The following ZNF333 variants were observed in gnomAD, a reference collection of about 807,000 sequenced individuals.
ZNF333 encodes zinc finger protein 333.
In ZNF333, 61 loss-of-function variants were observed where a neutral mutation model predicts 76.1. The observed-to-expected ratio is 0.80, with a 90% CI of 0.65 to 0.99. ZNF333 has a LOEUF of 0.99. ZNF333 is among the 50% of genes least tolerant of loss of function. The pLI is 0.00. For synonymous variants in ZNF333, 284 were observed against 305.0 expected (o/e 0.93, Z 0.72); for missense variants, 717 against 822.4 (o/e 0.87, Z 1.57).
At chr19:14,708,632 T>C in intron 7 of ZNF333, 1 of 357,474 alleles carries the variant, frequency 2.8e-6, no homozygotes, top group Non-Finnish European at 5.0e-6. Flanking sequence ...GTCCTGTGCA[T>C]TATAGGATGC....
exon 12 of ZNF333, chr19:14,732,735 C>A (rs1355152292): frequency 6.6e-6 from 1 of 152,022 alleles, no homozygotes; most frequent in Non-Finnish European, 1.5e-5. Context: ...TAAAACATAG[C>A]CATGATCATT....
In ZNF333 at chr19:14,719,186, G is replaced by A. The variant is rs771997606; in HGVS notation, c.1859G>A (p.Cys620Tyr). 3.1e-6 allele frequency: 5 copies of A among 1,614,202 alleles called. 1 individual carries two copies. In the South Asian group the frequency reaches 4.4e-5, roughly 14 times the overall value. The change falls in exon 12 of 12, where the codon TGT (cysteine) becomes TAT (tyrosine). Residue 620 changes from cysteine to tyrosine, a missense_variant. Physicochemically the swap from Cys to Tyr is radical, Grantham distance 194 (BLOSUM62 -2). Transcript: ENST00000292530. ...CACAGTGCCGGGAGACCCTATCAAT[G>A]TAATCAGTGTGAGAAAGCCTTCAGG... ...RTHSAGRPYQ[C>Y]NQCEKAFRHS...
chr19:14,732,191 C>T (rs1033821428), exon 12 of ZNF333: 2 of 152,086 alleles, frequency 1.3e-5, no homozygotes, highest in Non-Finnish European at 2.9e-5. Flanking sequence ...ACAAATTGAA[C>T]GTTTATGGCA....
At chr19:14,731,098 C>T (rs2042667315) in intron 11 of ZNF333, 2 of 1,360,548 alleles carry the variant, frequency 1.5e-6, no homozygotes. Flanking sequence ...GCCCCCTCCC[C>T]CCAAGGATTG....
chr19:14,732,316 T>TAA (rs914831144), exon 12 of ZNF333: 1 of 151,838 alleles, frequency 6.6e-6, no homozygotes, highest in Non-Finnish European at 1.5e-5. Flanking sequence ...GTATGTACAT[T>TAA]AAAAAAAAGA....
Position 14,718,990 on chromosome 19 carries a change from A to C in ZNF333, c.1663A>C (p.Thr555Pro). ...RLSTLKSHMRTHTGEKPYVCQ... is the reference protein window; with the variant it reads ...RLSTLKSHMRPHTGEKPYVCQ... ...TTCAACCCTGAAGAGTCACATGCGA[A>C]CTCACACTGGAGAGAAGCCCTATGT... is the stretch of plus-strand genomic sequence containing the variant. The change falls in exon 12 of 12, where the codon ACT becomes CCT. Residue 555 changes from threonine to proline, a missense_variant. By Grantham distance (38) the Thr-to-Pro change is conservative. Coordinates refer to ENST00000292530, the MANE Select transcript of ZNF333 (RefSeq NM_032433.4). The C allele has an allele frequency of 6.2e-7, 1 of 1,614,060 alleles. No individual in the cohort carries two copies. The highest frequency in any genetic ancestry group is 8.5e-7 in the Non-Finnish European group (1 of 1,180,014).
Position 14,699,202 on chromosome 19 carries a change from G to A in ZNF333, c.227G>A (p.Trp76Ter), listed in dbSNP as rs747033281. Reference protein sequence around the residue: ...RGILRATGVAWESQLKPEELP... With the variant: ...RGILRATGVA ...TTTTTTCTCCCATTCATTTCAGCCT[G>A]GGAATCTCAACTTAAACCCGAAGAG... is the stretch of plus-strand genomic sequence containing the variant. Residue 76 changes from tryptophan (W) to a stop codon, truncating the protein, a stop_gained, in exon 5 of 12, where the codon TGG becomes TAG. Transcript: ENST00000292530. LOFTEE classifies it high-confidence loss of function. The A allele has an allele frequency of 1.2e-6, 2 of 1,613,426 alleles. No homozygotes were observed. Among genetic ancestry groups the A allele is most frequent in the Non-Finnish European group, 1.7e-6 (2 of 1,179,632 alleles).
intron 4 of ZNF333, 46 bp from the exon 5 acceptor site, chr19:14,699,153 C>T (rs761274300): frequency 9.2e-6 from 13 of 1,410,446 alleles, no homozygotes; most frequent in Non-Finnish European, 1.3e-5. Flanking sequence ...ATTAATGTCA[C>T]TATTTCTTTC....
chr19:14,691,008 G>T (rs541869367), intron 1 of ZNF333, among the ~76,000 whole-genome samples: 1 of 152,156 alleles, frequency 6.6e-6, no homozygotes. Flanking sequence ...CAGGAGAATC[G>T]CTTGAACCCC....
intron 10 of ZNF333, 44 bp downstream of exon 10, chr19:14,717,133 G>C: frequency 1.3e-6 from 2 of 1,530,232 alleles, no homozygotes; most frequent in Non-Finnish European, 1.8e-6. Context: ...TGGTCAGTAA[G>C]GGGAGTGTCC....
At chr19:14,697,032 C>T (rs375447384) in intron 4 of ZNF333, among the ~76,000 whole-genome samples, 7 of 151,928 alleles carry the variant, frequency 4.6e-5, no homozygotes, top group South Asian at 4.2e-4. Context: ...CCATTGTGCC[C>T]GGCCACCTAA....
chr19:14,707,240 TAA>T (rs34492314), intron 7 of ZNF333: 11 of 116,698 alleles, frequency 9.4e-5, no homozygotes, highest in Non-Finnish European at 1.2e-4. Context: ...CCCCTATTTC[TAA>T]AAAAAAAAAA....
chr19:14,732,746 CATTT>C (rs2042684665), exon 12 of ZNF333: 1 of 152,136 alleles, frequency 6.6e-6, no homozygotes, highest in African/African-American at 2.4e-5. Context: ...CATGATCATT[CATTT>C]ATGATTGTCT....
chr19:14,717,162 T>C (rs2042458830), intron 10 of ZNF333, 73 bp downstream of exon 10: 1 of 1,301,152 alleles, frequency 7.7e-7, no homozygotes. Flanking sequence ...AACTGTCTTA[T>C]CAGGGCAACC....
upstream of ZNF333, chr19:14,689,849 A>G (rs1972610044): frequency 1.3e-5 from 2 of 149,934 alleles, no homozygotes; most frequent in South Asian, 4.2e-4. Flanking sequence ...TCTCTCGGAC[A>G]TAGGCTCCGC....
chr19:14,729,372 G>GT (rs1000608711), intron 11 of ZNF333, among the ~76,000 whole-genome samples: 2 of 148,986 alleles, frequency 1.3e-5, no homozygotes, highest in African/African-American at 2.5e-5. Context: ...TTTTTTTTTT[G>GT]TTTTTTGAGA....
At position 14,720,869 on chromosome 19, in the gene ZNF333, C is replaced by CT; in HGVS notation, c.*1545dup. The CT allele has an allele frequency of 1.1e-6, 1 of 945,328 alleles. No homozygotes were observed. Among genetic ancestry groups the CT allele is most frequent in the Non-Finnish European group, 1.3e-6 (1 of 793,690 alleles). 58.6% of individuals were successfully genotyped at this position (945,328 alleles called of 1,614,324 possible). A position where few individuals can be genotyped will look rare whatever the true frequency, so the allele number is the denominator to read the frequency against. On this transcript the variant is annotated 3_prime_UTR_variant, in exon 12 of 12. Transcript: ENST00000292530. ...GTATTGCTGAAAAATCTTTGTCATT[C>CT]TGTCAGTTTTTAAATTTATGTATAT...
intron 5 of ZNF333, 110 bp downstream of exon 5, chr19:14,699,391 T>G: frequency 1.0e-6 from 1 of 953,680 alleles, no homozygotes; most frequent in Non-Finnish European, 1.7e-6. Context: ...TGGGTGTCTC[T>G]TGGAAGGGAA....
At chr19:14,731,104 G>T in intron 11 of ZNF333, 1 of 1,399,230 alleles carries the variant, frequency 7.1e-7, no homozygotes, top group South Asian at 1.2e-5. Context: ...TCCCCCCAAG[G>T]ATTGGCCCCT....
Sources: gnomAD v4.1 joint callset for allele counts (sites outside exome capture counted in the v4.1 genomes callset) on GRCh38, gnomAD v4.1.1 for gene constraint, MANE v1.5 for transcripts, NCBI Gene and HGNC (gene_info 2026-07-23, HGNC 2026-07-21) for gene names.